The following RIPOR2 variants were observed in gnomAD, a reference collection of about 807,000 sequenced individuals.
The protein encoded by RIPOR2 is RHO family interacting cell polarization regulator 2.
Under a neutral mutation model 114.5 loss-of-function variants are expected in RIPOR2, and 39 were observed. That is an observed-to-expected ratio of 0.34 (90% CI 0.26 to 0.44). The LOEUF is 0.44. Ranked by LOEUF, RIPOR2 falls within the 20% of genes least tolerant of loss-of-function variation. The probability of loss-of-function intolerance (pLI) is 1.00; values close to 1 mark genes in which losing one functional copy is unlikely to be tolerated. For missense variants in RIPOR2, 1,007 were observed against 1,255.1 expected, an observed-to-expected ratio of 0.80 and a Z score of 2.99; for synonymous variants, 445 against 484.4, an observed-to-expected ratio of 0.92 and a Z score of 1.07.
Position 24,819,604 on chromosome 6 carries a change from C to G in RIPOR2, c.2869-979G>C, listed in dbSNP as rs60182091. 6.2e-4 allele frequency among the ~76,000 whole-genome samples: 91 copies of G among 147,524 alleles called. 3 individuals carry two copies. The highest frequency in any genetic ancestry group is 3.6e-3 in the Middle Eastern group (1 of 276). On this transcript the variant is annotated intron_variant, in intron 19 of 21. Coordinates refer to ENST00000643898, the MANE Select transcript of RIPOR2 (RefSeq NM_001286445.3). ...TCTCGGCTCACTGTAACCTCCATCT[C>G]CCGGGTTCAAGAGATTCTCCTACCT...
At chr6:24,830,741 A>T in intron 16 of RIPOR2, 71 bp from the exon 17 acceptor site, 2 of 1,450,796 alleles carry the variant, frequency 1.4e-6, no homozygotes, top group Admixed American at 2.3e-5. Flanking sequence ...TTTGAGACAG[A>T]GTCTTGCTTT....
chr6:24,836,282 G>T (rs1761101591), intron 14 of RIPOR2, among the ~76,000 whole-genome samples: 1 of 152,126 alleles, frequency 6.6e-6, no homozygotes, highest in South Asian at 2.1e-4. Context: ...GAAATAATCT[G>T]CCAAGGTTTT....
At chr6:24,914,577 C>G (rs1769924408) in intron 1 of RIPOR2, among the ~76,000 whole-genome samples, 2 of 152,116 alleles carry the variant, frequency 1.3e-5, no homozygotes, top group Admixed American at 1.3e-4. Flanking sequence ...ATTTTTTATA[C>G]CATAAAACAA....
chr6:24,826,084 G>T (rs796072190), intron 18 of RIPOR2, among the ~76,000 whole-genome samples: 1 of 151,690 alleles, frequency 6.6e-6, no homozygotes, highest in Non-Finnish European at 1.5e-5. Flanking sequence ...ATGCCACCAC[G>T]CCTGGCTAAT....
At chr6:24,963,396 C>A (rs1332279881) in intron 1 of RIPOR2, among the ~76,000 whole-genome samples, 1 of 152,118 alleles carries the variant, frequency 6.6e-6, no homozygotes, top group African/African-American at 2.4e-5. Flanking sequence ...ATAATCCACA[C>A]CTAGAAGAGG....
At chr6:24,875,965 C>T (rs376023269) in intron 1 of RIPOR2, 148 bp from the exon 2 acceptor site, 150 of 726,770 alleles carry the variant, frequency 2.1e-4, no homozygotes, top group African/African-American at 1.3e-3. Flanking sequence ...GTCCTGAAGA[C>T]GAAGGGTTCA....
intron 1 of RIPOR2, among the ~76,000 whole-genome samples, chr6:24,891,925 C>T (rs144481689): frequency 1.3e-5 from 2 of 152,162 alleles, no homozygotes. Flanking sequence ...GTGATGTGAT[C>T]TCAGCTCACT....
intron 1 of RIPOR2, among the ~76,000 whole-genome samples, chr6:24,945,841 T>A (rs1014739533): frequency 1.3e-5 from 2 of 152,106 alleles, no homozygotes; most frequent in Admixed American, 1.3e-4. Context: ...CTATAAAAAA[T>A]TTCTTTTATT....
At chr6:24,919,271 C>T (rs1297857755) in intron 1 of RIPOR2, among the ~76,000 whole-genome samples, 2 of 152,362 alleles carry the variant, frequency 1.3e-5, no homozygotes, top group Non-Finnish European at 2.9e-5. Flanking sequence ...AATATCACTA[C>T]GTTGACAGTG....
intron 1 of RIPOR2, among the ~76,000 whole-genome samples, chr6:24,972,007 C>T (rs745798649): frequency 6.6e-6 from 1 of 151,672 alleles, no homozygotes; most frequent in Non-Finnish European, 1.5e-5. Flanking sequence ...CAATAAGGGG[C>T]AAAAAAGTGA....
intron 1 of RIPOR2, chr6:25,024,375 GC>G: frequency 7.5e-7 from 1 of 1,335,282 alleles, no homozygotes; most frequent in Non-Finnish European, 1.1e-6. Context: ...GCCAGTGTTG[GC>G]CAGGTAGGCA....
chr6:24,890,484 C>A (rs1481773102), intron 1 of RIPOR2, among the ~76,000 whole-genome samples: 1 of 151,964 alleles, frequency 6.6e-6, no homozygotes, highest in Non-Finnish European at 1.5e-5. Context: ...AATGATAGAC[C>A]ATGGAGACTT....
At chr6:24,985,712 A>T (rs1265027762) in intron 1 of RIPOR2, among the ~76,000 whole-genome samples, 5 of 152,138 alleles carry the variant, frequency 3.3e-5, no homozygotes, top group African/African-American at 1.2e-4. Context: ...TAAATCCTAT[A>T]ACTATCCATG....
At position 24,839,367 on chromosome 6, in the gene RIPOR2, T is replaced by C. The variant is rs186160656; in HGVS notation, c.1858-95A>G. 131 of 1,447,682 alleles carry C rather than the reference T, an allele frequency of 9.0e-5. No homozygotes were observed. The African/African-American group carries it at 1.3e-3, about 15-fold the overall frequency. The allele number at this position is 1,447,682 out of a possible 1,614,324, so 89.7% of individuals were successfully genotyped here. On this transcript the variant is annotated intron_variant, in intron 13 of 21. Coordinates refer to ENST00000643898, the MANE Select transcript of RIPOR2 (RefSeq NM_001286445.3). Reference sequence around the variant, plus strand: ...AATTGGAGATGCCACACTTTTTTTTTTGTTTCAAGTTTTTATTTTTTGTTA... The same window carrying C: ...AATTGGAGATGCCACACTTTTTTTTCTGTTTCAAGTTTTTATTTTTTGTTA...
intron 1 of RIPOR2, among the ~76,000 whole-genome samples, chr6:24,911,474 A>T (rs1581781415): frequency 6.7e-6 from 1 of 150,270 alleles, no homozygotes; most frequent in Admixed American, 6.6e-5. Flanking sequence ...GCGGTGGTGT[A>T]TGGGGTGGGG....
intron 1 of RIPOR2, among the ~76,000 whole-genome samples, chr6:24,919,436 C>T (rs1025178112): frequency 4.6e-5 from 7 of 152,180 alleles, no homozygotes; most frequent in Admixed American, 3.3e-4. Flanking sequence ...AAGAAAGTGG[C>T]TTCTCCAAGC....
At chr6:24,881,504 T>A (rs1161773956) in intron 1 of RIPOR2, among the ~76,000 whole-genome samples, 1 of 152,096 alleles carries the variant, frequency 6.6e-6, no homozygotes, top group Non-Finnish European at 1.5e-5. Context: ...GCACCTTGAC[T>A]AAGAGTTGAA....
At chr6:24,843,673 A>C (rs1267509052) in intron 12 of RIPOR2, 119 bp from the exon 13 acceptor site, 2 of 649,948 alleles carry the variant, frequency 3.1e-6, no homozygotes, top group Non-Finnish European at 2.5e-6. Flanking sequence ...AACTTTCAGA[A>C]TGTTAGCATT....
chr6:24,943,820 TC>T, intron 1 of RIPOR2, among the ~76,000 whole-genome samples: 1 of 151,704 alleles, frequency 6.6e-6, no homozygotes, highest in Middle Eastern at 3.4e-3. Flanking sequence ...AAAGTCCCAT[TC>T]CCCCAAAACT....
Sources: allele counts gnomAD v4.1 joint callset (sites outside exome capture counted in the v4.1 genomes callset), GRCh38; gene constraint gnomAD v4.1.1; transcripts MANE v1.5; gene names NCBI Gene and HGNC (gene_info 2026-07-23, HGNC 2026-07-21).